The following SEMA3E variants were observed in gnomAD, a reference collection of about 807,000 sequenced individuals.
SEMA3E encodes semaphorin-3E.
SEMA3E carries 49 observed loss-of-function variants against 93.6 expected under a neutral mutation model. That is an observed-to-expected ratio of 0.52 (90% CI 0.42 to 0.66). SEMA3E has a LOEUF of 0.66. Ranked by LOEUF, SEMA3E falls within the 30% of genes least tolerant of loss-of-function variation. The pLI, the probability that SEMA3E is intolerant of heterozygous loss-of-function variation, is 0.00. For missense variants in SEMA3E, 906 were observed against 964.8 expected (o/e 0.94, Z 0.81); for synonymous variants, 363 against 330.7 (o/e 1.10, Z -1.06).
At chr7:83,443,954 T>G (rs1789173755) in intron 4 of SEMA3E, among the ~76,000 whole-genome samples, 1 of 151,556 alleles carries the variant, frequency 6.6e-6, no homozygotes, top group African/African-American at 2.4e-5. Flanking sequence ...TATTACATGT[T>G]TTCAATGAAT....
intron 2 of SEMA3E, among the ~76,000 whole-genome samples, chr7:83,476,723 G>T (rs2115922265): frequency 6.6e-6 from 1 of 152,218 alleles, no homozygotes; most frequent in East Asian, 1.9e-4. Context: ...TGGCAGTCAG[G>T]ATGCCTTTTG....
intron 1 of SEMA3E, among the ~76,000 whole-genome samples, chr7:83,570,261 A>G (rs1418975011): frequency 6.6e-6 from 1 of 152,164 alleles, no homozygotes; most frequent in Non-Finnish European, 1.5e-5. Flanking sequence ...TACCTTCATC[A>G]AGAAGTTAGA....
At position 83,368,203 on chromosome 7, in the gene SEMA3E, CTCTCTCTG is replaced by C. The variant is rs754681054; in HGVS notation, c.1876-173_1876-166del. Among the ~76,000 whole-genome samples the C allele has an allele frequency of 0.031, 2,296 of 73,384 alleles. 53 individuals are homozygous for C. The highest frequency in any genetic ancestry group is 0.064 in the African/African-American group (2,125 of 33,266). 48.1% of individuals were successfully genotyped at this position (73,384 alleles called of 152,430 possible). ...ATGCTAAATAATTACATCTCTCTCT[CTCTCTCTG>C]TGTGTGTGTGTGTGTGTGTGTGTGT... is the stretch of plus-strand genomic sequence containing the variant. On this transcript the variant is annotated intron_variant, in intron 16 of 16. Transcript: ENST00000643230.
intron 1 of SEMA3E, among the ~76,000 whole-genome samples, chr7:83,645,661 A>C (rs1260209269): frequency 1.3e-5 from 2 of 151,802 alleles, no homozygotes; most frequent in Non-Finnish European, 2.9e-5. Context: ...GGCACAAGGC[A>C]GTAGGAAATC....
chr7:83,600,308 G>A (rs1333615981), intron 1 of SEMA3E, among the ~76,000 whole-genome samples: 4 of 148,728 alleles, frequency 2.7e-5, no homozygotes, highest in African/African-American at 7.5e-5. Context: ...TCAGGACCAA[G>A]AAATATTAAT....
intron 1 of SEMA3E, among the ~76,000 whole-genome samples, chr7:83,641,148 G>A (rs535508704): frequency 1.3e-5 from 2 of 152,240 alleles, no homozygotes; most frequent in South Asian, 4.1e-4. Context: ...TATGCTAAAG[G>A]GGCTATAAAT....
chr7:83,641,781 T>TA (rs1212599838), intron 1 of SEMA3E, among the ~76,000 whole-genome samples: 1 of 152,130 alleles, frequency 6.6e-6, no homozygotes, highest in Non-Finnish European at 1.5e-5. Context: ...GCTTTTAGAA[T>TA]AAAAAAGAGA....
At chr7:83,596,348 C>T (rs1792871471) in intron 1 of SEMA3E, among the ~76,000 whole-genome samples, 1 of 151,896 alleles carries the variant, frequency 6.6e-6, no homozygotes, top group Non-Finnish European at 1.5e-5. Flanking sequence ...AACCACTTCT[C>T]CAAGGAACCC....
At chr7:83,565,170 T>A (rs1405748713) in intron 1 of SEMA3E, among the ~76,000 whole-genome samples, 2 of 151,896 alleles carry the variant, frequency 1.3e-5, no homozygotes, top group Non-Finnish European at 1.5e-5. Flanking sequence ...TAAAGAAAGA[T>A]AAAGAAAATG....
At chr7:83,413,598 C>T (rs757106167) in intron 5 of SEMA3E, among the ~76,000 whole-genome samples, 2 of 152,146 alleles carry the variant, frequency 1.3e-5, no homozygotes, top group Non-Finnish European at 2.9e-5. Flanking sequence ...TCCCGGTTCA[C>T]ACTCACATTC....
intron 1 of SEMA3E, chr7:83,641,497 A>G: frequency 2.3e-6 from 1 of 438,360 alleles, no homozygotes; most frequent in South Asian, 9.6e-5. Context: ...AGCTGGGCCT[A>G]CAATTACCTT....
At chr7:83,617,566 TTA>T (rs1483401134) in intron 1 of SEMA3E, among the ~76,000 whole-genome samples, 1 of 146,676 alleles carries the variant, frequency 6.8e-6, no homozygotes, top group African/African-American at 2.5e-5. Context: ...TATATAAATT[TTA>T]TATAAGTAAT....
intron 1 of SEMA3E, among the ~76,000 whole-genome samples, chr7:83,630,939 T>A (rs905150573): frequency 2.6e-5 from 4 of 152,184 alleles, no homozygotes; most frequent in Non-Finnish European, 5.9e-5. Flanking sequence ...ACCATTTGAC[T>A]TACAAGGAGT....
At chr7:83,456,772 C>G (rs1789489858) in intron 4 of SEMA3E, among the ~76,000 whole-genome samples, 1 of 152,040 alleles carries the variant, frequency 6.6e-6, no homozygotes, top group Non-Finnish European at 1.5e-5. Context: ...GGCCACCATG[C>G]CTGGCTAATT....
chr7:83,502,531 C>T (rs1324914789), intron 1 of SEMA3E, among the ~76,000 whole-genome samples: 1 of 152,118 alleles, frequency 6.6e-6, no homozygotes, highest in Non-Finnish European at 1.5e-5. Context: ...TTGGCTCCTC[C>T]TCTCATCTGG....
intron 1 of SEMA3E, among the ~76,000 whole-genome samples, chr7:83,644,434 T>A (rs1260336993): frequency 6.6e-6 from 1 of 151,932 alleles, no homozygotes; most frequent in Non-Finnish European, 1.5e-5. Context: ...AAGGTTTTTC[T>A]CTTTAGGACC....
intron 1 of SEMA3E, among the ~76,000 whole-genome samples, chr7:83,512,082 C>T (rs984743199): frequency 4.6e-5 from 7 of 151,988 alleles, no homozygotes; most frequent in Non-Finnish European, 2.9e-5. Context: ...AAAAAATTAT[C>T]ATTTCATGAA....
At chr7:83,542,437 G>A (rs963759324) in intron 1 of SEMA3E, among the ~76,000 whole-genome samples, 5 of 152,004 alleles carry the variant, frequency 3.3e-5, no homozygotes, top group African/African-American at 1.2e-4. Flanking sequence ...CATTGAAAGT[G>A]AATATTTTCT....
chr7:83,392,650 A>G lies in SEMA3E; in HGVS notation c.1572T>C (p.Ser524=), dbSNP rs1298596795. 6.2e-7 allele frequency: 1 copy of G among 1,613,932 alleles called. No homozygotes were observed. Among genetic ancestry groups the G allele is most frequent in the East Asian group, 2.2e-5 (1 of 44,864 alleles). The change falls in exon 14 of 17, where the codon AGT becomes AGC. Residue 524 remains serine, a synonymous_variant. Transcript: ENST00000643230. ...GAGCCAGGCAGCAGTCAGCACAAGC[A>G]CTTCCATACATGTCACAGTGATGGA... is the stretch of plus-strand genomic sequence containing the variant. The part of the protein sequence containing the change: ...VRFHHCDMYG[S]ACADCCLARD...
Sources: gnomAD v4.1 joint callset for allele counts (sites outside exome capture counted in the v4.1 genomes callset) on GRCh38, gnomAD v4.1.1 for gene constraint, MANE v1.5 for transcripts, NCBI Gene and HGNC (gene_info 2026-07-23, HGNC 2026-07-21) for gene names.